HEATR5A: variants seen among roughly 807,000 people sequenced by gnomAD.
HEATR5A encodes HEAT repeat-containing protein 5A.
A neutral mutation model predicts 218.8 loss-of-function variants in HEATR5A; 178 were observed. That is an observed-to-expected ratio of 0.81 (90% CI 0.72 to 0.92). The LOEUF is 0.92. Among genes scored for constraint, HEATR5A ranks in the 40% least tolerant of loss-of-function variants. The pLI is 0.00. For synonymous variants in HEATR5A, 864 were observed against 871.6 expected (o/e 0.99, Z 0.15); for missense variants, 2,420 against 2,418.9 (o/e 1.00, Z -0.01).
chr14:31,413,156 C>T (rs1035051207), intron 1 of HEATR5A, among the ~76,000 whole-genome samples: 2 of 151,952 alleles, frequency 1.3e-5, no homozygotes, highest in African/African-American at 2.4e-5. Context: ...TTGGTAGGAA[C>T]GGGAAGAATG....
At chr14:31,312,851 T>TCG in intron 28 of HEATR5A, 117 bp downstream of exon 28, 21 of 847,136 alleles carry the variant, frequency 2.5e-5, no homozygotes, top group South Asian at 3.6e-5. Flanking sequence ...TGAGCCAAAA[T>TCG]TGCACCATGG....
chr14:31,314,711 T>C (rs1044927015), intron 27 of HEATR5A, among the ~76,000 whole-genome samples: 1 of 152,148 alleles, frequency 6.6e-6, no homozygotes, highest in Admixed American at 6.6e-5. Context: ...AGACCCAGTT[T>C]ATTGAATCTA....
intron 23 of HEATR5A, among the ~76,000 whole-genome samples, chr14:31,324,541 G>C (rs1290547788): frequency 2.0e-5 from 3 of 152,148 alleles, no homozygotes; most frequent in African/African-American, 7.2e-5. Context: ...GTTTTCCTGA[G>C]AAGGTATGGA....
At chr14:31,302,667 AAGT>A (rs1899423129) in intron 32 of HEATR5A, 148 bp from the exon 33 acceptor site, 2 of 598,436 alleles carry the variant, frequency 3.3e-6, no homozygotes, top group Admixed American at 3.2e-5. Context: ...AAGATAATGT[AAGT>A]AGCTTTATTA....
chr14:31,338,097 C>T (rs1284966644), intron 21 of HEATR5A, among the ~76,000 whole-genome samples: 4 of 152,186 alleles, frequency 2.6e-5, no homozygotes, highest in African/African-American at 9.7e-5. Flanking sequence ...AGATCCATCA[C>T]TTACTAGCTG....
chr14:31,420,208 C>T (rs2031600779), intron 1 of HEATR5A: 1 of 152,508 alleles, frequency 6.6e-6, no homozygotes, highest in African/African-American at 2.4e-5. Flanking sequence ...GAACGGACCA[C>T]GCTGTTTATC....
chr14:31,308,916 A>C lies in HEATR5A; in HGVS notation c.4690+18T>G. The C allele has an allele frequency of 6.3e-7, 1 of 1,597,702 alleles. No individual in the cohort carries two copies. The highest frequency in any genetic ancestry group is 1.1e-5 in the South Asian group (1 of 89,296). On this transcript the variant is annotated intron_variant, in intron 29 of 35. Transcript: ENST00000543095. The stretch of plus-strand genomic sequence containing the variant: ...AAAACCCCTAAGGTTGTAAACTTGT[A>C]AAAGTGGTTTAACTGACCTAAAATA...
chr14:31,413,563 G>A (rs2031355504), intron 1 of HEATR5A, among the ~76,000 whole-genome samples: 1 of 152,004 alleles, frequency 6.6e-6, no homozygotes, highest in Admixed American at 6.6e-5. Flanking sequence ...AAAAGAAAGT[G>A]TTCTGGGGGG....
At chr14:31,358,005 G>A (rs1334052681) in intron 16 of HEATR5A, among the ~76,000 whole-genome samples, 2 of 152,112 alleles carry the variant, frequency 1.3e-5, no homozygotes, top group Admixed American at 1.3e-4. Context: ...GATCAGCAGT[G>A]GCATTAGATT....
Position 31,345,144 on chromosome 14 carries a change from G to C in HEATR5A, c.3001C>G (p.Gln1001Glu), listed in dbSNP as rs78126777. 3.6e-4 allele frequency: 585 copies of C among 1,613,902 alleles called. 4 individuals carry two copies. Among genetic ancestry groups the C allele is most frequent in the African/African-American group, 2.6e-3 (195 of 75,014 alleles). The change falls in exon 20 of 36, where the codon CAA becomes GAA. Residue 1001 changes from glutamine to glutamate, a missense_variant. Physicochemically the swap from Gln to Glu is conservative, Grantham distance 29. Coordinates refer to ENST00000543095, the MANE Select transcript of HEATR5A (RefSeq NM_015473.4). ...GCATTCAAACAGCGACCAAGGCTTT[G>C]GTGAACTTCAGCATGAGTAGGAGGC... ...NVPPTHAEVH[Q>E]SLGRCLNALI... is the part of the protein sequence containing the mutation.
intron 1 of HEATR5A, among the ~76,000 whole-genome samples, chr14:31,409,613 T>A (rs117501339): frequency 1.3e-5 from 2 of 151,942 alleles, no homozygotes; most frequent in Non-Finnish European, 2.9e-5. Context: ...GGTGGGAGGA[T>A]CCCTTGAGAT....
intron 21 of HEATR5A, among the ~76,000 whole-genome samples, chr14:31,342,314 GGAGTTC>G (rs1900866937): frequency 6.6e-6 from 1 of 152,166 alleles, no homozygotes; most frequent in Non-Finnish European, 1.5e-5. Context: ...CTTGAGCCCA[GGAGTTC>G]GAGGCTACTG....
intron 32 of HEATR5A, among the ~76,000 whole-genome samples, chr14:31,303,775 T>G (rs1479128362): frequency 6.6e-6 from 1 of 152,160 alleles, no homozygotes; most frequent in African/African-American, 2.4e-5. Flanking sequence ...ATAAGGGTCA[T>G]TTCAGATCAA....
chr14:31,369,168 A>G (rs1296120018), intron 13 of HEATR5A, among the ~76,000 whole-genome samples: 1 of 151,978 alleles, frequency 6.6e-6, no homozygotes, highest in Non-Finnish European at 1.5e-5. Context: ...GTGGTGGTGC[A>G]CACCTATAGT....
chr14:31,340,569 A>T lies in HEATR5A; in HGVS notation c.3229-2955T>A, dbSNP rs1900808297. On this transcript the variant is annotated intron_variant, in intron 21 of 35. Transcript: ENST00000543095. Reference sequence around the variant, plus strand: ...AACAGTCAGCTAAGCATTAAAATATAAATGTTGATAGTTATTATTTAAATT... The same window carrying T: ...AACAGTCAGCTAAGCATTAAAATATTAATGTTGATAGTTATTATTTAAATT... 23 of 733,998 alleles carry T rather than the reference A, an allele frequency of 3.1e-5. 1 individual carries two copies. The South Asian group carries it at 3.4e-4, about 11-fold the overall frequency. 45.5% of individuals were successfully genotyped at this position (733,998 alleles called of 1,614,324 possible). A position where few individuals can be genotyped will look rare whatever the true frequency, so the allele number is the denominator to read the frequency against.
chr14:31,339,115 C>G (rs374871865), intron 21 of HEATR5A, among the ~76,000 whole-genome samples: 1 of 138,818 alleles, frequency 7.2e-6, no homozygotes, highest in Non-Finnish European at 1.6e-5. Context: ...GACTGTGTCT[C>G]AGGAAAAAAA....
chr14:31,399,030 A>G (rs1595175212), intron 3 of HEATR5A, among the ~76,000 whole-genome samples: 2 of 105,640 alleles, frequency 1.9e-5, no homozygotes, highest in South Asian at 2.4e-4. Flanking sequence ...ATTTACCCCT[A>G]TGTTTTTTCC....
At chr14:31,373,932 C>T (rs1012800309) in intron 12 of HEATR5A, among the ~76,000 whole-genome samples, 20 of 152,088 alleles carry the variant, frequency 1.3e-4, no homozygotes, top group Non-Finnish European at 2.5e-4. Context: ...TATATTTTCT[C>T]TTCCTTATGA....
In HEATR5A at chr14:31,302,192, G is replaced by A. The variant is rs1456840262; in HGVS notation, c.5464+103C>T. On this transcript the variant is annotated intron_variant, in intron 33 of 35. Coordinates refer to ENST00000543095, the MANE Select transcript of HEATR5A (RefSeq NM_015473.4). ...ATAGTATTGAATATGGTCTCCTCTA[G>A]GTGATATGGCCAAATATGATCAAGT... 3 of 798,108 alleles carry A rather than the reference G, an allele frequency of 3.8e-6. No homozygotes were observed. The South Asian group carries it at 4.9e-5, about 13-fold the overall frequency. The allele number at this position is 798,108 out of a possible 1,614,324, so 49.4% of individuals were successfully genotyped here. A position where few individuals can be genotyped will look rare whatever the true frequency, so the allele number is the denominator to read the frequency against.
Sources: gnomAD v4.1 joint callset for allele counts (sites outside exome capture counted in the v4.1 genomes callset) on GRCh38, gnomAD v4.1.1 for gene constraint, MANE v1.5 for transcripts, NCBI Gene and HGNC (gene_info 2026-07-23, HGNC 2026-07-21) for gene names.